ABCA13: variants seen among roughly 807,000 people sequenced by gnomAD.
The protein encoded by ABCA13 is ATP-binding cassette sub-family A member 13.
In ABCA13, 476 loss-of-function variants were observed where a neutral mutation model predicts 478.7. That is an observed-to-expected ratio of 0.99 (90% CI 0.92 to 1.07). The LOEUF (loss-of-function observed/expected upper bound fraction) is 1.07, where lower values mean the gene tolerates loss of function less well. ABCA13 is among the 50% of genes least tolerant of loss of function. The pLI is 0.00. For synonymous variants in ABCA13, 2,252 were observed against 2,158.9 expected (o/e 1.04, Z -1.20); for missense variants, 6,060 against 5,910.6 (o/e 1.03, Z -0.83).
intron 41 of ABCA13, among the ~76,000 whole-genome samples, chr7:48,412,876 A>G (rs543715106): frequency 6.6e-6 from 1 of 150,912 alleles, no homozygotes; most frequent in Non-Finnish European, 1.5e-5. Context: ...CAGTGGCGCT[A>G]TCTCGGCTCA....
Position 48,273,522 on chromosome 7 carries a change from G to A in ABCA13, c.3856G>A (p.Glu1286Lys), listed in dbSNP as rs1006329708. 9 of 1,587,694 alleles carry A rather than the reference G, an allele frequency of 5.7e-6. No individual in the cohort carries two copies. Among genetic ancestry groups the A allele is most frequent in the Admixed American group, 3.6e-5 (2 of 55,516 alleles). ...CAGAGAGTTTTTAAATTCTCTGCTT[G>A]AAGTTTTCATTGAGTTTAGCAGTAC... ...TSREFLNSLL[E>K]VFIEFSSTSE... is the part of the protein sequence containing the mutation. Residue 1286 changes from glutamate (E) to lysine (K), a missense_variant, in exon 17 of 62, where the codon GAA becomes AAA. Glu to Lys is a moderately conservative substitution (Grantham distance 56, BLOSUM62 1). Transcript: ENST00000435803.
chr7:48,349,868 A>C (rs919821810), intron 29 of ABCA13, among the ~76,000 whole-genome samples: 11 of 152,242 alleles, frequency 7.2e-5, no homozygotes, highest in Non-Finnish European at 1.3e-4. Context: ...CAGTGACTGC[A>C]CACAGGGCCA....
At chr7:48,596,199 T>C (rs2131447394) in intron 58 of ABCA13, among the ~76,000 whole-genome samples, 1 of 152,356 alleles carries the variant, frequency 6.6e-6, no homozygotes, top group East Asian at 1.9e-4. Context: ...ATTTCTCACA[T>C]TGCTTCATGT....
chr7:48,453,030 G>T (rs574907264), intron 42 of ABCA13, among the ~76,000 whole-genome samples: 2 of 152,226 alleles, frequency 1.3e-5, no homozygotes, highest in African/African-American at 4.8e-5. Flanking sequence ...GATAGGTAGA[G>T]ATATAAAATT....
intron 42 of ABCA13, among the ~76,000 whole-genome samples, chr7:48,439,446 A>G (rs1823286218): frequency 6.6e-6 from 1 of 152,300 alleles, no homozygotes; most frequent in South Asian, 2.1e-4. Flanking sequence ...CTCAAAGGAA[A>G]TGAATGCTAG....
At position 48,372,493 on chromosome 7, in the gene ABCA13, T is replaced by C; in HGVS notation, c.11129T>C (p.Phe3710Ser). The C allele has an allele frequency of 1.3e-6, 2 of 1,546,298 alleles. No homozygotes were observed. Among genetic ancestry groups the C allele is most frequent in the Non-Finnish European group, 1.7e-6 (2 of 1,145,640 alleles). ...HNQLSFVNQT[F>S]LCLLSTTAFG... ...CAATTAAGTTTTGTTAATCAGACAT[T>C]TCTGGTAAGTAAGTTGTTTTGTAAA... Residue 3710 changes from phenylalanine to serine, a missense_variant, in exon 33 of 62, where the codon TTT becomes TCT. Transcript: ENST00000435803.
chr7:48,410,336 A>G (rs1163770458), intron 39 of ABCA13, among the ~76,000 whole-genome samples, 184 bp from the exon 40 acceptor site: 2 of 152,156 alleles, frequency 1.3e-5, no homozygotes, highest in East Asian at 1.9e-4. Flanking sequence ...AAACTACTGT[A>G]GAGGAAAGAG....
chr7:48,563,546 G>A (rs1407283406), intron 55 of ABCA13, among the ~76,000 whole-genome samples: 1 of 152,126 alleles, frequency 6.6e-6, no homozygotes, highest in Non-Finnish European at 1.5e-5. Flanking sequence ...CCTGGCCAAA[G>A]GAGCCTGAGA....
chr7:48,422,111 G>GAA (rs5884043), intron 41 of ABCA13, among the ~76,000 whole-genome samples: 56,123 of 149,088 alleles, frequency 0.38, 11,318 homozygotes, highest in African/African-American at 0.51. Context: ...GAAGAAAGAG[G>GAA]GAGGAAGGAA....
At chr7:48,636,274 C>T (rs140133675) in intron 59 of ABCA13, among the ~76,000 whole-genome samples, 31 of 152,252 alleles carry the variant, frequency 2.0e-4, no homozygotes, top group Non-Finnish European at 3.2e-4. Flanking sequence ...AGGAGTCAGC[C>T]GCCTCCCATA....
At chr7:48,440,191 A>G (rs994880791) in intron 42 of ABCA13, among the ~76,000 whole-genome samples, 1 of 152,198 alleles carries the variant, frequency 6.6e-6, no homozygotes, top group Non-Finnish European at 1.5e-5. Context: ...GGATTTTTCC[A>G]TGGTACATAC....
intron 23 of ABCA13, among the ~76,000 whole-genome samples, chr7:48,301,125 A>G (rs1800091844): frequency 6.6e-6 from 1 of 152,144 alleles, no homozygotes; most frequent in Non-Finnish European, 1.5e-5. Flanking sequence ...CACAGTCCTC[A>G]GTGGATTCAT....
rs1471866974 is a variant in ABCA13 at position 48,501,854 on chromosome 7, ATGTT to A, written c.13292-4481_13292-4478del. 8.5e-5 allele frequency among the ~76,000 whole-genome samples: 13 copies of A among 152,210 alleles called. No individual in the cohort carries two copies. The East Asian group carries it at 2.5e-3, about 29-fold the overall frequency. On this transcript the variant is annotated intron_variant, in intron 48 of 61. Coordinates refer to ENST00000435803, the MANE Select transcript of ABCA13 (RefSeq NM_152701.5). ...AGAGGCAGGATTTTCAGTGCTCTGT[ATGTT>A]AGTAGGTGATTTGATGAGAGAGACA...
intron 56 of ABCA13, among the ~76,000 whole-genome samples, chr7:48,586,782 G>A (rs1461785891): frequency 6.6e-6 from 1 of 152,020 alleles, no homozygotes; most frequent in South Asian, 2.1e-4. Flanking sequence ...TTTTGACACC[G>A]CTATTAGTTT....
chr7:48,205,934 C>G (rs574499616), intron 3 of ABCA13, among the ~76,000 whole-genome samples: 13 of 152,220 alleles, frequency 8.5e-5, no homozygotes, highest in African/African-American at 2.9e-4. Context: ...TTTGACATGT[C>G]TATGCACCTG....
chr7:48,315,349 C>T (rs184122476), intron 26 of ABCA13, among the ~76,000 whole-genome samples: 3 of 152,238 alleles, frequency 2.0e-5, no homozygotes, highest in Admixed American at 6.5e-5. Context: ...TTGTACATAT[C>T]GTGACTATAC....
chr7:48,392,585 GA>G (rs1464519975), intron 38 of ABCA13, among the ~76,000 whole-genome samples: 3 of 151,832 alleles, frequency 2.0e-5, no homozygotes, highest in Admixed American at 6.6e-5. Context: ...CAAAGATTAA[GA>G]AAAAAAGAGC....
At chr7:48,517,730 G>A (rs148917623) in intron 52 of ABCA13, among the ~76,000 whole-genome samples, 96 of 152,220 alleles carry the variant, frequency 6.3e-4, no homozygotes, top group African/African-American at 1.9e-3. Context: ...TTTTCATTCT[G>A]TTTTCTTTTC....
In ABCA13 at chr7:48,376,489, C is replaced by T. The variant is rs1248878561; in HGVS notation, c.11252C>T (p.Thr3751Ile). The change falls in exon 35 of 62, where the codon ACA becomes ATA. Residue 3751 changes from threonine (T) to isoleucine (I), a missense_variant. By Grantham distance (89) the Thr-to-Ile change is moderately conservative. Transcript: ENST00000435803. ...CAGGCTCTGGAACAAGGGGGCATGA[C>T]ATTTGGCTGGGTTTGCTGGATGATT... ...MYQALEQGGM[T>I]FGWVCWMILF... The T allele has an allele frequency of 1.1e-5, 18 of 1,613,872 alleles. No homozygotes were observed. Among genetic ancestry groups the T allele is most frequent in the Non-Finnish European group, 1.4e-5 (16 of 1,179,830 alleles).
Sources: gnomAD v4.1 joint callset for allele counts (sites outside exome capture counted in the v4.1 genomes callset) on GRCh38, gnomAD v4.1.1 for gene constraint, MANE v1.5 for transcripts, NCBI Gene and HGNC (gene_info 2026-07-23, HGNC 2026-07-21) for gene names.